Variants in XYLT1 observed in about 807,000 individuals in gnomAD.
The protein encoded by XYLT1 is beta-D-xylosyltransferase 1.
Under a neutral mutation model 91.3 loss-of-function variants are expected in XYLT1, and 36 were observed. That is an observed-to-expected ratio of 0.39 (90% CI 0.30 to 0.52). XYLT1 has a LOEUF of 0.52. XYLT1 is among the 20% of genes least tolerant of loss of function. XYLT1 has a pLI of 0.68. For missense variants in XYLT1, 1,242 were observed against 1,284.5 expected, an observed-to-expected ratio of 0.97 and a Z score of 0.51; for synonymous variants, 588 against 532.0, an observed-to-expected ratio of 1.11 and a Z score of -1.45.
chr16:17,428,766 G>T (rs1166817564), intron 1 of XYLT1, among the ~76,000 whole-genome samples: 1 of 152,046 alleles, frequency 6.6e-6, no homozygotes, highest in Non-Finnish European at 1.5e-5. Context: ...CTTTTTTCTT[G>T]CTTTCCTTTT....
At chr16:17,424,671 C>T (rs2036290661) in intron 1 of XYLT1, among the ~76,000 whole-genome samples, 1 of 151,986 alleles carries the variant, frequency 6.6e-6, no homozygotes, top group African/African-American at 2.4e-5. Flanking sequence ...AGTTACAGAC[C>T]ATCCTGGTCA....
At chr16:17,132,907 G>A (rs1471173019) in intron 9 of XYLT1, among the ~76,000 whole-genome samples, 1 of 152,126 alleles carries the variant, frequency 6.6e-6, no homozygotes, top group Admixed American at 6.5e-5. Flanking sequence ...AAAGAGCACT[G>A]TATAACTAAC....
At chr16:17,255,163 A>AT (rs200838806) in intron 3 of XYLT1, among the ~76,000 whole-genome samples, 2,947 of 151,514 alleles carry the variant, frequency 0.019, 98 homozygotes, top group Admixed American at 0.1. Context: ...TGCCCAGCTA[A>AT]TTTTTTTGTA....
chr16:17,460,231 T>C (rs748078111), intron 1 of XYLT1, among the ~76,000 whole-genome samples: 9 of 152,104 alleles, frequency 5.9e-5, no homozygotes, highest in South Asian at 4.1e-4. Flanking sequence ...ATGCGTGTTA[T>C]TGGGGGACAA....
intron 2 of XYLT1, among the ~76,000 whole-genome samples, chr16:17,349,386 T>G (rs12598334): frequency 0.21 from 32,135 of 152,132 alleles, 3,702 homozygotes; most frequent in Middle Eastern, 0.29. Flanking sequence ...TATTGATATC[T>G]CTACCTATCT....
chr16:17,341,864 AACT>A (rs2035067651), intron 2 of XYLT1, among the ~76,000 whole-genome samples: 1 of 152,144 alleles, frequency 6.6e-6, no homozygotes, highest in African/African-American at 2.4e-5. Context: ...AGTAGGTATA[AACT>A]ACTTCTTTTG....
At chr16:17,330,104 TACACACACACAC>T (rs35148093) in intron 2 of XYLT1, among the ~76,000 whole-genome samples, 7 of 144,586 alleles carry the variant, frequency 4.8e-5, no homozygotes, top group East Asian at 4.1e-4. Context: ...TGGAGGTAGA[TACACACACACAC>T]ACACACACAC....
At chr16:17,284,880 T>A (rs907955899) in intron 2 of XYLT1, among the ~76,000 whole-genome samples, 1 of 152,152 alleles carries the variant, frequency 6.6e-6, no homozygotes. Context: ...ATATGGAGAA[T>A]AGACTCATAC....
rs1222374821 is a variant in XYLT1, at chr16:17,398,827, C to CCCA, written c.364-40778_364-40777insTGG. On this transcript the variant is annotated intron_variant, in intron 1 of 11. Coordinates refer to ENST00000261381, the MANE Select transcript of XYLT1 (RefSeq NM_022166.4). ...ATGTCCAAATGTCCCCGCCCCCCCC[C>CCCA]ACTGTTTTTTTGTTTTGTTTTGTTT... 1.4e-3 allele frequency among the ~76,000 whole-genome samples: 50 copies of CCCA among 34,818 alleles called. 1 individual carries two copies. Among genetic ancestry groups the CCCA allele is most frequent in the African/African-American group, 5.4e-3 (46 of 8,592 alleles). 22.8% of individuals were successfully genotyped at this position (34,818 alleles called of 152,430 possible). A position where few individuals can be genotyped will look rare whatever the true frequency, so the allele number is the denominator to read the frequency against.
chr16:17,259,910 G>C (rs547089705), intron 2 of XYLT1, among the ~76,000 whole-genome samples: 1 of 152,194 alleles, frequency 6.6e-6, no homozygotes, highest in African/African-American at 2.4e-5. Flanking sequence ...AGTTATAAAG[G>C]GAAAAATATT....
At chr16:17,399,138 A>C (rs75866801) in intron 1 of XYLT1, among the ~76,000 whole-genome samples, 2,228 of 152,190 alleles carry the variant, frequency 0.015, 23 homozygotes, top group Middle Eastern at 0.024. Flanking sequence ...TCAACTTCCA[A>C]TGTACTGGAA....
At position 17,338,454 on chromosome 16, in the gene XYLT1, C is replaced by T. The variant is rs955682096; in HGVS notation, c.402+19558G>A. 8 of 456,402 alleles carry T rather than the reference C, an allele frequency of 1.8e-5. No individual in the cohort carries two copies. The East Asian group carries it at 2.1e-4, about 12-fold the overall frequency. The allele number at this position is 456,402 out of a possible 1,614,324, so 28.3% of individuals were successfully genotyped here. ...GCAACAAAGGAGAAGTTGAAACCTACGCTTTGCCGGGCTGGCTGGAAAGAC... is the reference window on the plus strand; with the variant it reads ...GCAACAAAGGAGAAGTTGAAACCTATGCTTTGCCGGGCTGGCTGGAAAGAC... On this transcript the variant is annotated intron_variant, in intron 2 of 11. Coordinates refer to ENST00000261381, the MANE Select transcript of XYLT1 (RefSeq NM_022166.4).
At chr16:17,282,131 G>C (rs2034067041) in intron 2 of XYLT1, among the ~76,000 whole-genome samples, 1 of 152,186 alleles carries the variant, frequency 6.6e-6, no homozygotes, top group Non-Finnish European at 1.5e-5. Flanking sequence ...ACTGTTCTAA[G>C]CACCCTGCAT....
chr16:17,414,451 C>T lies in XYLT1; in HGVS notation c.363+55983G>A, dbSNP rs1029749436. Among the ~76,000 whole-genome samples the T allele has an allele frequency of 1.6e-4, 25 of 152,098 alleles. 1 individual carries two copies. Among genetic ancestry groups the T allele is most frequent in the Non-Finnish European group, 2.9e-5 (2 of 68,026 alleles). The stretch of plus-strand genomic sequence containing the variant: ...GCTCAAGCAATCCTCCAGCTTTAGC[C>T]TCTGGAGTGGCTGGGACCACAGGTG... On this transcript the variant is annotated intron_variant, in intron 1 of 11. Coordinates refer to ENST00000261381, the MANE Select transcript of XYLT1 (RefSeq NM_022166.4).
intron 11 of XYLT1, among the ~76,000 whole-genome samples, chr16:17,112,810 C>T (rs532790318): frequency 3.8e-4 from 58 of 152,242 alleles, no homozygotes; most frequent in African/African-American, 1.3e-3. Flanking sequence ...AGAAGCTGAG[C>T]GTTTACTTCG....
intron 3 of XYLT1, among the ~76,000 whole-genome samples, chr16:17,201,240 A>G (rs1024214295): frequency 1.3e-5 from 2 of 152,156 alleles, no homozygotes; most frequent in African/African-American, 4.8e-5. Context: ...TCATCATCCA[A>G]TACCTTTTGT....
At chr16:17,193,810 CAT>C (rs1182617203) in intron 5 of XYLT1, 16 of 152,178 alleles carry the variant, frequency 1.1e-4, no homozygotes, top group African/African-American at 3.6e-4. Flanking sequence ...CTGCAAAATT[CAT>C]ATGTTTTTGT....
At chr16:17,141,071 T>C in intron 7 of XYLT1, 82 bp downstream of exon 7, 1 of 1,405,770 alleles carries the variant, frequency 7.1e-7, no homozygotes, top group South Asian at 1.3e-5. Context: ...AGAATCTCTT[T>C]GCCAAAAATT....
intron 3 of XYLT1, among the ~76,000 whole-genome samples, chr16:17,236,575 C>A (rs1189097879): frequency 6.6e-6 from 1 of 152,168 alleles, no homozygotes; most frequent in Admixed American, 6.5e-5. Context: ...AGCTGGGGGG[C>A]TTAAACAGCA....
Sources: allele counts gnomAD v4.1 joint callset (sites outside exome capture counted in the v4.1 genomes callset), GRCh38; gene constraint gnomAD v4.1.1; transcripts MANE v1.5; gene names NCBI Gene and HGNC (gene_info 2026-07-23, HGNC 2026-07-21).